The following TRIM37 variants were observed in gnomAD, a reference collection of about 807,000 sequenced individuals.
The protein encoded by TRIM37 is tripartite motif containing 37.
In TRIM37, 80 loss-of-function variants were observed where a neutral mutation model predicts 129.8. The ratio of observed to expected loss-of-function variants is 0.62; its 90% CI spans 0.51 to 0.74. TRIM37 has a LOEUF of 0.74. Among genes scored for constraint, TRIM37 ranks in the 30% least tolerant of loss-of-function variants. The pLI, the probability that TRIM37 is intolerant of heterozygous loss-of-function variation, is 0.00. For missense variants in TRIM37, 1,054 were observed against 1,176.5 expected (o/e 0.90, Z 1.52); for synonymous variants, 389 against 387.1 (o/e 1.00, Z -0.06).
At chr17:59,028,325 T>G in intron 19 of TRIM37, 90 bp downstream of exon 19, 1 of 1,214,416 alleles carries the variant, frequency 8.2e-7, no homozygotes, top group Non-Finnish European at 1.2e-6. Context: ...ACTGGAAGAG[T>G]GGTATTTAAA....
At chr17:58,988,003 C>T (rs1401146583) in intron 24 of TRIM37, among the ~76,000 whole-genome samples, 1 of 152,124 alleles carries the variant, frequency 6.6e-6, no homozygotes, top group African/African-American at 2.4e-5. Context: ...GACATTTTTT[C>T]GAATCCATTG....
At chr17:59,053,476 T>C (rs2040545905) in intron 13 of TRIM37, among the ~76,000 whole-genome samples, 1 of 152,194 alleles carries the variant, frequency 6.6e-6, no homozygotes, top group Admixed American at 6.5e-5. Context: ...GCCAATTTCA[T>C]CTTGAGTTCC....
At chr17:59,000,219 G>C (rs191228967) in intron 23 of TRIM37, among the ~76,000 whole-genome samples, 25 of 152,174 alleles carry the variant, frequency 1.6e-4, no homozygotes, top group African/African-American at 6.0e-4. Context: ...AGAATATTAG[G>C]TTGCCATAAA....
chr17:59,061,615 TATAAAG>T (rs1240671703), intron 11 of TRIM37, among the ~76,000 whole-genome samples: 2 of 152,162 alleles, frequency 1.3e-5, no homozygotes, highest in Non-Finnish European at 2.9e-5. Context: ...ATTTTATTTT[TATAAAG>T]ATAATTACTC....
At chr17:59,052,254 T>C (rs1377483324) in intron 13 of TRIM37, among the ~76,000 whole-genome samples, 1 of 150,950 alleles carries the variant, frequency 6.6e-6, no homozygotes, top group Non-Finnish European at 1.5e-5. Flanking sequence ...AACAAACCTC[T>C]ACCTTTGTTA....
At position 59,033,712 on chromosome 17, in the gene TRIM37, C is replaced by A. The variant is rs190703023; in HGVS notation, c.1754-1622G>T. 3.5e-4 allele frequency among the ~76,000 whole-genome samples: 54 copies of A among 152,190 alleles called. 1 individual carries two copies. The East Asian group carries it at 0.01, about 29-fold the overall frequency. ...TACAGGTGTGAGCCACCGCACCCAGCTGAAAACTGTTTTTACCTCTTTTCT... is the reference window on the plus strand; with the variant it reads ...TACAGGTGTGAGCCACCGCACCCAGATGAAAACTGTTTTTACCTCTTTTCT... On this transcript the variant is annotated intron_variant, in intron 17 of 23. Coordinates refer to ENST00000262294, the MANE Select transcript of TRIM37 (RefSeq NM_015294.6).
chr17:59,037,598 T>C, intron 17 of TRIM37, among the ~76,000 whole-genome samples: 1 of 149,482 alleles, frequency 6.7e-6, no homozygotes, highest in African/African-American at 2.5e-5. Flanking sequence ...AAGGCTTTTT[T>C]AATTTTTTTA....
chr17:58,982,241 T>C (rs764455428), downstream of TRIM37: 3 of 152,596 alleles, frequency 2.0e-5, no homozygotes, highest in Non-Finnish European at 2.9e-5. Context: ...TATTTAGTTA[T>C]ATTTGATATT....
chr17:58,979,937 A>C, downstream of TRIM37: 1 of 1,529,962 alleles, frequency 6.5e-7, no homozygotes, highest in East Asian at 2.3e-5. Flanking sequence ...AAGGTAAAAC[A>C]AATGCTAATG....
intron 5 of TRIM37, 58 bp downstream of exon 5, chr17:59,083,940 ATAAG>A: frequency 7.6e-7 from 1 of 1,312,528 alleles, no homozygotes; most frequent in Non-Finnish European, 1.1e-6. Context: ...TTCTATCTGA[ATAAG>A]TATTTCAGTG....
intron 21 of TRIM37, among the ~76,000 whole-genome samples, chr17:59,014,325 T>C (rs2035643257): frequency 6.6e-6 from 1 of 152,308 alleles, no homozygotes; most frequent in Non-Finnish European, 1.5e-5. Context: ...AATAGAACTA[T>C]TTCATTGTTT....
intron 22 of TRIM37, among the ~76,000 whole-genome samples, chr17:59,003,575 G>C (rs1384174448): frequency 6.6e-6 from 1 of 150,866 alleles, no homozygotes; most frequent in Admixed American, 6.6e-5. Flanking sequence ...AATAGAAACA[G>C]GCATACTGAT....
rs1253174804 is a variant in TRIM37, at chr17:59,015,719, G to C, written c.2467C>G (p.Pro823Ala). 6.2e-7 allele frequency: 1 copy of C among 1,614,078 alleles called. No individual in the cohort carries two copies. Among genetic ancestry groups the C allele is most frequent in the Non-Finnish European group, 8.5e-7 (1 of 1,180,012 alleles). Residue 823 changes from proline to alanine, a missense_variant, in exon 21 of 24, where the codon CCA becomes GCA. Coordinates refer to ENST00000262294, the MANE Select transcript of TRIM37 (RefSeq NM_015294.6). ...LIHGSIGDIL[P>A]KTEDRQCKAL... ...TTACACTGCCGGTCTTCAGTTTTTG[G>C]CAGAATATCACCGATACTGCCATGT...
intron 20 of TRIM37, among the ~76,000 whole-genome samples, chr17:59,016,840 T>TA (rs2036003976): frequency 6.6e-6 from 1 of 151,974 alleles, no homozygotes; most frequent in African/African-American, 2.4e-5. Flanking sequence ...ATACATAGTC[T>TA]AATGGCTGTA....
intron 19 of TRIM37, among the ~76,000 whole-genome samples, chr17:59,019,075 T>C (rs1184067782): frequency 3.3e-5 from 5 of 152,226 alleles, no homozygotes; most frequent in Non-Finnish European, 7.3e-5. Flanking sequence ...TGCAGCTACT[T>C]TGGAAAATAG....
intron 22 of TRIM37, among the ~76,000 whole-genome samples, chr17:59,004,735 G>A (rs2034248946): frequency 6.6e-6 from 1 of 152,146 alleles, no homozygotes; most frequent in Non-Finnish European, 1.5e-5. Flanking sequence ...GTTACTCAAG[G>A]AAAAATCGAT....
At chr17:59,000,677 G>GT (rs1555632296) in intron 23 of TRIM37, among the ~76,000 whole-genome samples, 1 of 152,064 alleles carries the variant, frequency 6.6e-6, no homozygotes, top group Non-Finnish European at 1.5e-5. Context: ...GGTTTCTCTT[G>GT]TTTTTTTCCT....
chr17:59,101,292 T>A (rs1418211675), intron 2 of TRIM37, among the ~76,000 whole-genome samples: 1 of 152,034 alleles, frequency 6.6e-6, no homozygotes, highest in Non-Finnish European at 1.5e-5. Context: ...TTTCTGAGGC[T>A]TCTGGGGAAA....
At chr17:58,992,173 T>C (rs1292599906) in intron 24 of TRIM37, among the ~76,000 whole-genome samples, 1 of 150,548 alleles carries the variant, frequency 6.6e-6, no homozygotes, top group Non-Finnish European at 1.5e-5. Flanking sequence ...GAGAGATACA[T>C]AGGGTGAGGC....
Sources: gnomAD v4.1 joint callset for allele counts (sites outside exome capture counted in the v4.1 genomes callset) on GRCh38, gnomAD v4.1.1 for gene constraint, MANE v1.5 for transcripts, NCBI Gene and HGNC (gene_info 2026-07-23, HGNC 2026-07-21) for gene names.